GPC5: variants seen among roughly 807,000 people sequenced by gnomAD.
GPC5 encodes the protein glypican-5.
A neutral mutation model predicts 53.9 loss-of-function variants in GPC5; 47 were observed. The observed-to-expected ratio is 0.87, with a 90% CI of 0.69 to 1.11. The LOEUF is 1.11. Ranked by LOEUF, GPC5 falls within the 50% of genes most tolerant of loss-of-function variation. The pLI is 0.00. For synonymous variants in GPC5, 286 were observed against 263.3 expected, an observed-to-expected ratio of 1.09 and a Z score of -0.84; for missense variants, 748 against 713.1, an observed-to-expected ratio of 1.05 and a Z score of -0.56.
intron 7 of GPC5, among the ~76,000 whole-genome samples, chr13:92,425,667 C>A (rs1424973893): frequency 6.6e-6 from 1 of 151,980 alleles, no homozygotes; most frequent in African/African-American, 2.4e-5. Flanking sequence ...TTGGTTATAC[C>A]CATAATCCTA....
intron 3 of GPC5, among the ~76,000 whole-genome samples, chr13:91,709,952 T>C (rs2036191322): frequency 6.6e-6 from 1 of 152,222 alleles, no homozygotes; most frequent in South Asian, 2.1e-4. Context: ...GTTCCCTTTG[T>C]AGCGATACCA....
chr13:91,746,245 A>G lies in GPC5; in HGVS notation c.1155-10050A>G, dbSNP rs533143947. Among the ~76,000 whole-genome samples the G allele has an allele frequency of 4.6e-5, 7 of 152,300 alleles. No homozygotes were observed. The South Asian group carries it at 6.2e-4, about 14-fold the overall frequency. ...CTCAGGCCATTAACTAGCAAACTGC[A>G]CATTTGACCTTTGTTCTACAGATAT... On this transcript the variant is annotated intron_variant, in intron 4 of 7. Coordinates refer to ENST00000377067, the MANE Select transcript of GPC5 (RefSeq NM_004466.6).
chr13:92,359,340 T>A (rs778030366), intron 7 of GPC5, among the ~76,000 whole-genome samples: 3 of 151,712 alleles, frequency 2.0e-5, no homozygotes, highest in Non-Finnish European at 4.4e-5. Context: ...TGGACTTTAT[T>A]GTCCATATCA....
chr13:92,441,266 G>A (rs193147357), intron 7 of GPC5, among the ~76,000 whole-genome samples: 22 of 152,152 alleles, frequency 1.4e-4, no homozygotes, highest in Admixed American at 2.0e-4. Context: ...ATGGGGTTTC[G>A]CCATGTTGGC....
At chr13:92,812,753 CA>C (rs1877340611) in intron 7 of GPC5, among the ~76,000 whole-genome samples, 1 of 151,872 alleles carries the variant, frequency 6.6e-6, no homozygotes, top group Non-Finnish European at 1.5e-5. Context: ...AAAATGAATT[CA>C]GCAGTGTTAG....
At chr13:91,496,413 G>T (rs773226109) in intron 2 of GPC5, among the ~76,000 whole-genome samples, 4 of 152,192 alleles carry the variant, frequency 2.6e-5, no homozygotes, top group Non-Finnish European at 5.9e-5. Context: ...TAAAGAAAAT[G>T]TGGTACATAT....
chr13:92,748,906 A>T (rs117306495), intron 7 of GPC5, among the ~76,000 whole-genome samples: 1 of 152,320 alleles, frequency 6.6e-6, no homozygotes, highest in Non-Finnish European at 1.5e-5. Flanking sequence ...ACAAGTTATG[A>T]GAATCTTGAT....
At chr13:92,083,507 G>A (rs1462593599) in intron 6 of GPC5, among the ~76,000 whole-genome samples, 1 of 152,100 alleles carries the variant, frequency 6.6e-6, no homozygotes, top group African/African-American at 2.4e-5. Flanking sequence ...AAAGATGTGT[G>A]CATCATGTAT....
At chr13:92,615,673 C>T (rs977221836) in intron 7 of GPC5, among the ~76,000 whole-genome samples, 6 of 152,060 alleles carry the variant, frequency 3.9e-5, no homozygotes, top group African/African-American at 1.4e-4. Context: ...CTTAAATATG[C>T]CAATTAATAT....
rs1045371894 is a variant in GPC5 at position 92,362,857 on chromosome 13, T to G, written c.1561+217868T>G. Among the ~76,000 whole-genome samples, 2 of 151,820 alleles carry G rather than the reference T, an allele frequency of 1.3e-5. 1 individual carries two copies. Among genetic ancestry groups the G allele is most frequent in the African/African-American group, 4.9e-5 (2 of 41,048 alleles). On this transcript the variant is annotated intron_variant, in intron 7 of 7. Coordinates refer to ENST00000377067, the MANE Select transcript of GPC5 (RefSeq NM_004466.6). ...TGGTCAATATTACTTTAATGCAGGTTATTTAACATATGGCTTGTGCTTCCA... is the reference window on the plus strand; with the variant it reads ...TGGTCAATATTACTTTAATGCAGGTGATTTAACATATGGCTTGTGCTTCCA...
chr13:91,641,164 A>T (rs2034418831), intron 2 of GPC5, among the ~76,000 whole-genome samples: 1 of 152,094 alleles, frequency 6.6e-6, no homozygotes, highest in African/African-American at 2.4e-5. Flanking sequence ...AGTCTTTACT[A>T]AAAATACAAA....
At chr13:91,984,431 C>T in intron 6 of GPC5, among the ~76,000 whole-genome samples, 1 of 152,202 alleles carries the variant, frequency 6.6e-6, no homozygotes, top group Admixed American at 6.5e-5. Flanking sequence ...GCTATAGTCC[C>T]TGATCTGCAC....
intron 2 of GPC5, among the ~76,000 whole-genome samples, chr13:91,662,358 A>C (rs1199111207): frequency 6.6e-6 from 1 of 152,208 alleles, no homozygotes; most frequent in Non-Finnish European, 1.5e-5. Flanking sequence ...CTGATTTGGC[A>C]ATCAAATGGA....
intron 6 of GPC5, among the ~76,000 whole-genome samples, chr13:92,103,005 T>C (rs780956457): frequency 1.6e-4 from 25 of 152,224 alleles, no homozygotes; most frequent in Non-Finnish European, 2.9e-4. Flanking sequence ...ATGACAGAAG[T>C]GTTACCACAC....
At chr13:92,388,447 A>T (rs1022453259) in intron 7 of GPC5, among the ~76,000 whole-genome samples, 1 of 152,118 alleles carries the variant, frequency 6.6e-6, no homozygotes, top group African/African-American at 2.4e-5. Context: ...GACAGCATGG[A>T]TATTAACATC....
At chr13:92,185,213 T>G (rs1036790593) in intron 7 of GPC5, among the ~76,000 whole-genome samples, 2 of 152,192 alleles carry the variant, frequency 1.3e-5, no homozygotes, top group Non-Finnish European at 2.9e-5. Context: ...TCAGAACTAG[T>G]GGCATAACAC....
chr13:91,572,091 ATGTG>A (rs1386352041), intron 2 of GPC5, among the ~76,000 whole-genome samples: 2 of 127,324 alleles, frequency 1.6e-5, no homozygotes, highest in East Asian at 4.2e-4. Flanking sequence ...GTATATGTAC[ATGTG>A]TGTGTATATA....
At chr13:92,355,089 TG>T (rs986741110) in intron 7 of GPC5, among the ~76,000 whole-genome samples, 9 of 151,652 alleles carry the variant, frequency 5.9e-5, no homozygotes, top group African/African-American at 9.7e-5. Flanking sequence ...TATGCCTAAA[TG>T]TTATAAAAAT....
At chr13:91,442,866 T>A (rs905593038) in intron 1 of GPC5, among the ~76,000 whole-genome samples, 3 of 152,204 alleles carry the variant, frequency 2.0e-5, no homozygotes, top group Non-Finnish European at 2.9e-5. Flanking sequence ...TTATTATTTC[T>A]CTTATTGTTT....
Sources: allele counts gnomAD v4.1 joint callset (sites outside exome capture counted in the v4.1 genomes callset), GRCh38; gene constraint gnomAD v4.1.1; transcripts MANE v1.5; gene names NCBI Gene and HGNC (gene_info 2026-07-23, HGNC 2026-07-21).